IPP: variants seen among roughly 807,000 people sequenced by gnomAD.
IPP encodes the protein actin-binding protein IPP.
IPP carries 41 observed loss-of-function variants against 64.1 expected under a neutral mutation model. The ratio of observed to expected loss-of-function variants is 0.64; its 90% CI spans 0.50 to 0.83. The LOEUF (loss-of-function observed/expected upper bound fraction) is 0.83. Among genes scored for constraint, IPP ranks in the 40% least tolerant of loss-of-function variants. The probability of loss-of-function intolerance (pLI) is 0.00; values close to 1 mark genes in which losing one functional copy is unlikely to be tolerated. For missense variants in IPP, 649 were observed against 703.0 expected, an observed-to-expected ratio of 0.92 and a Z score of 0.87; for synonymous variants, 214 against 235.2, an observed-to-expected ratio of 0.91 and a Z score of 0.83.
intron 5 of IPP, among the ~76,000 whole-genome samples, chr1:45,724,215 C>G (rs1361259829): frequency 6.6e-6 from 1 of 152,184 alleles, no homozygotes; most frequent in Non-Finnish European, 1.5e-5. Context: ...AGCTCCTAAC[C>G]GCGAGTGATC....
At chr1:45,721,381 T>C (rs1369232223) in intron 5 of IPP, among the ~76,000 whole-genome samples, 2 of 152,198 alleles carry the variant, frequency 1.3e-5, no homozygotes, top group African/African-American at 4.8e-5. Flanking sequence ...AAGGAGGCTA[T>C]GTCATCAGCT....
At chr1:45,719,786 C>T (rs573216515) in intron 5 of IPP, among the ~76,000 whole-genome samples, 4 of 152,272 alleles carry the variant, frequency 2.6e-5, no homozygotes, top group African/African-American at 9.6e-5. Flanking sequence ...AGTGCAGTGG[C>T]ACAATCTCGG....
At chr1:45,709,541 G>C (rs1298906864) in intron 8 of IPP, among the ~76,000 whole-genome samples, 1 of 150,516 alleles carries the variant, frequency 6.6e-6, no homozygotes, top group Non-Finnish European at 1.5e-5. Context: ...TAAACATATG[G>C]GTATTTATAA....
intron 8 of IPP, among the ~76,000 whole-genome samples, chr1:45,712,081 C>T (rs1431255682): frequency 6.6e-6 from 1 of 152,024 alleles, no homozygotes; most frequent in African/African-American, 2.4e-5. Flanking sequence ...TTTGGAAGGC[C>T]GAGTCGGGTG....
At chr1:45,702,068 T>C (rs1645462354) in intron 8 of IPP, among the ~76,000 whole-genome samples, 1 of 152,186 alleles carries the variant, frequency 6.6e-6, no homozygotes, top group Admixed American at 6.5e-5. Flanking sequence ...AAGATCCATT[T>C]CTGGTTAAGA....
intron 3 of IPP, among the ~76,000 whole-genome samples, chr1:45,731,141 G>C (rs28433203): frequency 6.6e-6 from 1 of 152,114 alleles, no homozygotes; most frequent in Non-Finnish European, 1.5e-5. Context: ...CATGCCTCAG[G>C]CTAGAAAGAA....
intron 3 of IPP, among the ~76,000 whole-genome samples, chr1:45,732,371 A>AAAAAG (rs1645921330): frequency 6.6e-6 from 1 of 151,050 alleles, no homozygotes; most frequent in Non-Finnish European, 1.5e-5. Flanking sequence ...CAAAAAAAAA[A>AAAAAG]AAAAAAAAAC....
At chr1:45,711,687 G>A (rs1314448176) in intron 8 of IPP, among the ~76,000 whole-genome samples, 1 of 151,536 alleles carries the variant, frequency 6.6e-6, no homozygotes, top group Non-Finnish European at 1.5e-5. Flanking sequence ...CCAGGAGACA[G>A]AGGTTGCAGT....
chr1:45,731,932 G>A (rs751994907), intron 3 of IPP, among the ~76,000 whole-genome samples: 12 of 150,360 alleles, frequency 8.0e-5, no homozygotes, highest in Non-Finnish European at 1.3e-4. Flanking sequence ...GCAACACTCC[G>A]TCTCGGGGGA....
intron 5 of IPP, among the ~76,000 whole-genome samples, chr1:45,720,542 T>C (rs191577498): frequency 1.9e-3 from 290 of 152,232 alleles, no homozygotes; most frequent in Non-Finnish European, 3.2e-3. Context: ...AAAATTTATA[T>C]GGAAGTACAA....
At chr1:45,734,776 C>T (rs577918930) in intron 3 of IPP, among the ~76,000 whole-genome samples, 2 of 151,850 alleles carry the variant, frequency 1.3e-5, no homozygotes, top group African/African-American at 4.8e-5. Context: ...TGCACCACCA[C>T]ACCTGGCTAT....
chr1:45,711,278 T>C (rs1279297133), intron 8 of IPP, among the ~76,000 whole-genome samples: 2 of 150,220 alleles, frequency 1.3e-5, no homozygotes, highest in Non-Finnish European at 3.0e-5. Flanking sequence ...GAGGCGGAGG[T>C]TGTAGTGAGC....
intron 1 of IPP, among the ~76,000 whole-genome samples, chr1:45,747,566 G>A (rs1190754522): frequency 2.6e-5 from 4 of 152,076 alleles, no homozygotes; most frequent in East Asian, 1.9e-4. Context: ...AGTGGCTCAC[G>A]CCTGTAATCC....
At position 45,700,188 on chromosome 1, in the gene IPP, T is replaced by C; in HGVS notation, c.1533A>G (p.Glu511=). Residue 511 remains glutamate, a splice_region_variant and synonymous_variant, in exon 9 of 9, where the codon GAA becomes GAG. Transcript: ENST00000396478. ...HTVEKYSFEE[E]KWVEVASMKV... is the part of the protein sequence containing the mutation. ...TCATTGAGGCAACTTCAACCCACTTTTCCTGGTTAAGAGAGAAAAAAAAAA... is the reference window on the plus strand; with the variant it reads ...TCATTGAGGCAACTTCAACCCACTTCTCCTGGTTAAGAGAGAAAAAAAAAA... 2.5e-6 allele frequency: 4 copies of C among 1,607,506 alleles called. No homozygotes were observed. Among genetic ancestry groups the C allele is most frequent in the Non-Finnish European group, 3.4e-6 (4 of 1,177,542 alleles).
intron 7 of IPP, among the ~76,000 whole-genome samples, chr1:45,715,291 C>T (rs899972570): frequency 6.6e-6 from 1 of 151,548 alleles, no homozygotes; most frequent in Non-Finnish European, 1.5e-5. Context: ...ATTTTTGAAT[C>T]TCTAGTGTTG....
chr1:45,704,118 G>A (rs1294699926), intron 8 of IPP, among the ~76,000 whole-genome samples: 1 of 152,148 alleles, frequency 6.6e-6, no homozygotes, highest in Non-Finnish European at 1.5e-5. Context: ...AATTCACCTA[G>A]GCAGTGACTG....
At chr1:45,724,887 T>TG (rs1165662776) in intron 5 of IPP, among the ~76,000 whole-genome samples, 48 of 127,136 alleles carry the variant, frequency 3.8e-4, no homozygotes, top group Middle Eastern at 5.7e-3. Context: ...GGGAGGGAGG[T>TG]GGGGGGGGTC....
At chr1:45,703,634 C>T (rs557399883) in intron 8 of IPP, among the ~76,000 whole-genome samples, 4 of 151,916 alleles carry the variant, frequency 2.6e-5, no homozygotes, top group Admixed American at 2.0e-4. Flanking sequence ...ACTAATTTAA[C>T]CTGGTTTAAC....
intron 8 of IPP, among the ~76,000 whole-genome samples, chr1:45,712,363 C>A (rs1054070066): frequency 6.7e-6 from 1 of 149,358 alleles, no homozygotes; most frequent in East Asian, 1.9e-4. Context: ...TCAACAATAG[C>A]AGAATACAAA....
Sources: allele counts gnomAD v4.1 joint callset (sites outside exome capture counted in the v4.1 genomes callset), GRCh38; gene constraint gnomAD v4.1.1; transcripts MANE v1.5; gene names NCBI Gene and HGNC (gene_info 2026-07-23, HGNC 2026-07-21).